Variants in ZNF521 observed in about 807,000 individuals in gnomAD.
The protein encoded by ZNF521 is zinc finger protein 521, also known as LYST-interacting protein 3.
A neutral mutation model predicts 105.5 loss-of-function variants in ZNF521; 14 were observed. That is an observed-to-expected ratio of 0.13 (90% CI 0.09 to 0.21). The LOEUF is 0.21. ZNF521 is among the 10% of genes least tolerant of loss of function. The pLI is 1.00. For synonymous variants in ZNF521, 635 were observed against 606.0 expected, an observed-to-expected ratio of 1.05 and a Z score of -0.70; for missense variants, 1,233 against 1,629.7, an observed-to-expected ratio of 0.76 and a Z score of 4.19.
intron 5 of ZNF521, among the ~76,000 whole-genome samples, chr18:25,108,486 G>T (rs2034117760): frequency 6.6e-6 from 1 of 151,180 alleles, no homozygotes; most frequent in Admixed American, 6.6e-5. Flanking sequence ...TTATCATTTT[G>T]GCAATTTTAG....
chr18:25,123,145 T>TA lies in ZNF521; in HGVS notation c.3659-31065dup, dbSNP rs1488490152. On this transcript the variant is annotated intron_variant, in intron 5 of 7. Coordinates refer to ENST00000361524, the MANE Select transcript of ZNF521 (RefSeq NM_015461.3). ...ATCTGTACTTACAAATGACTCATTATATGAGTCATTTGTAAGTACAGATAA... is the reference window on the plus strand; with the variant it reads ...ATCTGTACTTACAAATGACTCATTATAATGAGTCATTTGTAAGTACAGATAA... Among the ~76,000 whole-genome samples, 347 of 151,842 alleles carry TA rather than the reference T, an allele frequency of 2.3e-3. 1 individual carries two copies. Among genetic ancestry groups the TA allele is most frequent in the African/African-American group, 7.2e-3 (297 of 41,438 alleles).
intron 5 of ZNF521, among the ~76,000 whole-genome samples, chr18:25,163,471 A>G (rs1485261286): frequency 1.3e-5 from 2 of 152,210 alleles, no homozygotes; most frequent in Non-Finnish European, 2.9e-5. Context: ...GTCCGACACC[A>G]TCCCCTGCAG....
chr18:25,122,471 T>A (rs2034462108), intron 5 of ZNF521, among the ~76,000 whole-genome samples: 1 of 152,246 alleles, frequency 6.6e-6, no homozygotes, highest in Non-Finnish European at 1.5e-5. Flanking sequence ...CTGAATATTG[T>A]ACCTAAAATT....
chr18:25,300,408 C>T (rs1225973497), intron 3 of ZNF521, among the ~76,000 whole-genome samples: 1 of 152,118 alleles, frequency 6.6e-6, no homozygotes, highest in Non-Finnish European at 1.5e-5. Context: ...GATAGGTAGA[C>T]ATATACACAC....
rs752244966 is a variant in ZNF521 at position 25,224,401 on chromosome 18, A to G, written c.3517T>C (p.Leu1173=). 5.6e-6 allele frequency: 9 copies of G among 1,613,408 alleles called. No homozygotes were observed. The highest frequency in any genetic ancestry group is 6.8e-6 in the Non-Finnish European group (8 of 1,179,876). ...ATTGGTGATACTTGGGGCGTTTTCA[A>G]CTGTGTGCTGTTGCTGTCTGGCACG... ...ELVPDSNSTQ[L]KTPQVSPMPR... The change falls in exon 4 of 8, where the codon TTG becomes CTG. Residue 1173 remains leucine (L), a synonymous_variant. Coordinates refer to ENST00000361524, the MANE Select transcript of ZNF521 (RefSeq NM_015461.3).
intron 5 of ZNF521, among the ~76,000 whole-genome samples, chr18:25,166,985 A>G (rs1172632423): frequency 6.6e-6 from 1 of 152,162 alleles, no homozygotes; most frequent in East Asian, 1.9e-4. Flanking sequence ...ATAAACTTAA[A>G]TTTGCTTTAC....
chr18:25,297,660 G>A (rs537802099), intron 3 of ZNF521, among the ~76,000 whole-genome samples: 6 of 152,190 alleles, frequency 3.9e-5, no homozygotes, highest in East Asian at 1.9e-4. Flanking sequence ...AGACAAATAC[G>A]TACTCTGTTA....
intron 5 of ZNF521, among the ~76,000 whole-genome samples, chr18:25,116,630 T>C (rs186031161): frequency 9.9e-5 from 15 of 151,976 alleles, no homozygotes; most frequent in African/African-American, 3.4e-4. Context: ...ATCATCAACC[T>C]GAAGGCATTA....
At chr18:25,133,691 C>A (rs937037082) in intron 5 of ZNF521, among the ~76,000 whole-genome samples, 4 of 152,136 alleles carry the variant, frequency 2.6e-5, no homozygotes, top group Non-Finnish European at 5.9e-5. Context: ...ACCAAATCAA[C>A]TTTATTATCA....
At chr18:25,270,686 T>C (rs911330267) in intron 3 of ZNF521, among the ~76,000 whole-genome samples, 2 of 152,144 alleles carry the variant, frequency 1.3e-5, no homozygotes, top group Non-Finnish European at 2.9e-5. Context: ...CACATGATTA[T>C]CTCACTAGAT....
rs557430716 is a variant in ZNF521 at position 25,197,805 on chromosome 18, A to G, written c.3574-2561T>C. Among the ~76,000 whole-genome samples the G allele has an allele frequency of 1.8e-4, 27 of 151,898 alleles. No individual in the cohort carries two copies. In the South Asian group the frequency reaches 3.9e-3, roughly 22 times the overall value. Reference sequence around the variant, plus strand: ...TTTTCAGACTGAACATAGGGGCACAATGTAAGAAATACTTGGAATTACCTC... The same window carrying G: ...TTTTCAGACTGAACATAGGGGCACAGTGTAAGAAATACTTGGAATTACCTC... On this transcript the variant is annotated intron_variant, in intron 4 of 7. Transcript: ENST00000361524.
intron 3 of ZNF521, among the ~76,000 whole-genome samples, chr18:25,265,680 T>C (rs181711260): frequency 1.3e-3 from 204 of 152,240 alleles, no homozygotes; most frequent in Non-Finnish European, 2.6e-3. Context: ...CCCTATCCCA[T>C]TGCGGGGCAT....
At chr18:25,079,006 TG>T (rs1482915534) in intron 7 of ZNF521, among the ~76,000 whole-genome samples, 3 of 152,238 alleles carry the variant, frequency 2.0e-5, no homozygotes, top group Non-Finnish European at 4.4e-5. Flanking sequence ...CACTTTAGAC[TG>T]TGGCTTGCAT....
chr18:25,310,872 A>G (rs1912268277), intron 3 of ZNF521, among the ~76,000 whole-genome samples: 1 of 152,156 alleles, frequency 6.6e-6, no homozygotes, highest in Non-Finnish European at 1.5e-5. Flanking sequence ...CTTCTGTTCC[A>G]AATATATTTT....
At chr18:25,327,018 A>G (rs1228738256) in intron 2 of ZNF521, among the ~76,000 whole-genome samples, 1 of 152,194 alleles carries the variant, frequency 6.6e-6, no homozygotes, top group Non-Finnish European at 1.5e-5. Flanking sequence ...TACTGTCTGA[A>G]AAAAACAAGT....
chr18:25,142,317 T>C (rs1473110794), intron 5 of ZNF521, among the ~76,000 whole-genome samples: 2 of 152,172 alleles, frequency 1.3e-5, no homozygotes, highest in Non-Finnish European at 2.9e-5. Flanking sequence ...GTTATTCAGA[T>C]GCATCACTAC....
At chr18:25,263,826 C>T (rs2144906701) in intron 3 of ZNF521, among the ~76,000 whole-genome samples, 1 of 152,260 alleles carries the variant, frequency 6.6e-6, no homozygotes, top group Non-Finnish European at 1.5e-5. Context: ...TATCCGCCCA[C>T]CTCAGCCTCC....
chr18:25,291,593 C>T (rs932817176), intron 3 of ZNF521, among the ~76,000 whole-genome samples: 6 of 152,096 alleles, frequency 3.9e-5, no homozygotes, highest in African/African-American at 1.4e-4. Flanking sequence ...CATCTTCCAC[C>T]AGGAGAAATA....
intron 3 of ZNF521, among the ~76,000 whole-genome samples, chr18:25,256,721 G>A (rs1445164182): frequency 1.3e-5 from 2 of 151,994 alleles, no homozygotes; most frequent in Non-Finnish European, 2.9e-5. Context: ...AGGAAATGGG[G>A]CAATCTAAGG....
Sources: gnomAD v4.1 joint callset for allele counts (sites outside exome capture counted in the v4.1 genomes callset) on GRCh38, gnomAD v4.1.1 for gene constraint, MANE v1.5 for transcripts, NCBI Gene and HGNC (gene_info 2026-07-23, HGNC 2026-07-21) for gene names.